Variants in LRRC20 observed in about 807,000 individuals in gnomAD.
The protein encoded by LRRC20 is leucine rich repeat containing 20.
In LRRC20, 11 loss-of-function variants were observed where a neutral mutation model predicts 14.4. The ratio of observed to expected loss-of-function variants is 0.77; its 90% CI spans 0.48 to 1.27. The LOEUF (loss-of-function observed/expected upper bound fraction) is 1.27, where lower values mean the gene tolerates loss of function less well. LRRC20 is among the 50% of genes most tolerant of loss of function. The probability of loss-of-function intolerance (pLI) is 0.00; values close to 1 mark genes in which losing one functional copy is unlikely to be tolerated. For synonymous variants in LRRC20, 121 were observed against 107.3 expected (o/e 1.13, Z -0.79); for missense variants, 219 against 251.2 (o/e 0.87, Z 0.87).
At chr10:70,317,802 C>A (rs1841923096) in intron 4 of LRRC20, among the ~76,000 whole-genome samples, 1 of 152,198 alleles carries the variant, frequency 6.6e-6, no homozygotes, top group Non-Finnish European at 1.5e-5. Flanking sequence ...CTGAGGGCAG[C>A]TGGCACTGGC....
chr10:70,314,683 G>A (rs956078699), intron 4 of LRRC20, among the ~76,000 whole-genome samples: 3 of 152,024 alleles, frequency 2.0e-5, no homozygotes, highest in Admixed American at 6.6e-5. Context: ...TTTGAGCATC[G>A]CTGGTCTTCT....
chr10:70,326,295 T>A (rs1039517560), intron 3 of LRRC20, among the ~76,000 whole-genome samples: 7 of 51,292 alleles, frequency 1.4e-4, no homozygotes, highest in Admixed American at 4.7e-4. Context: ...AGCGCCTCTG[T>A]GTACACACAC....
chr10:70,302,085 G>A lies in LRRC20; in HGVS notation c.401-577C>T, dbSNP rs1285571408. 4.6e-5 allele frequency among the ~76,000 whole-genome samples: 7 copies of A among 152,264 alleles called. No homozygotes were observed. In the East Asian group the frequency reaches 7.7e-4, roughly 17 times the overall value. On this transcript the variant is annotated intron_variant, in intron 4 of 4. Transcript: ENST00000446961. ...TCCCAGCACTTTGGGAGGGTGAGGC[G>A]GGTGGATCACGAGGTCAGGATTTCA...
chr10:70,364,893 C>A lies in LRRC20; in HGVS notation c.82+11559G>T, dbSNP rs537743746. On this transcript the variant is annotated intron_variant, in intron 2 of 4. Transcript: ENST00000446961. ...TCATCTCCCACATGCACATCCAGAA[C>A]CCTGCCAGGCAATGCCCCTGCCCCA... Among the ~76,000 whole-genome samples the A allele has an allele frequency of 5.9e-5, 9 of 152,274 alleles. No individual in the cohort carries two copies. The East Asian group carries it at 1.7e-3, about 29-fold the overall frequency.
intron 1 of LRRC20, among the ~76,000 whole-genome samples, chr10:70,379,023 T>C (rs1844611506): frequency 6.6e-6 from 1 of 152,180 alleles, no homozygotes; most frequent in Admixed American, 6.5e-5. Context: ...GGAATAGACC[T>C]ATACTGTGCT....
intron 4 of LRRC20, among the ~76,000 whole-genome samples, chr10:70,304,751 A>G (rs1393043042): frequency 6.6e-6 from 1 of 151,832 alleles, no homozygotes; most frequent in African/African-American, 2.4e-5. Context: ...CATGAATTTG[A>G]CTACTCTAGG....
intron 1 of LRRC20, among the ~76,000 whole-genome samples, chr10:70,382,126 G>A (rs531882099): frequency 5.9e-5 from 9 of 152,362 alleles, no homozygotes; most frequent in East Asian, 1.9e-4. Flanking sequence ...TCTGGAGCAG[G>A]CGTCTGCAGC....
At chr10:70,338,924 G>C (rs1450337715) in intron 3 of LRRC20, among the ~76,000 whole-genome samples, 1 of 152,198 alleles carries the variant, frequency 6.6e-6, no homozygotes, top group Non-Finnish European at 1.5e-5. Context: ...GCCTCCCAAA[G>C]TGCTGGGATT....
intron 4 of LRRC20, among the ~76,000 whole-genome samples, chr10:70,316,017 A>T (rs1458492793): frequency 6.6e-6 from 1 of 152,240 alleles, no homozygotes; most frequent in Non-Finnish European, 1.5e-5. Context: ...CTTGGAGATC[A>T]GGGCATCAGG....
intron 3 of LRRC20, among the ~76,000 whole-genome samples, chr10:70,336,204 G>C (rs528673118): frequency 2.6e-5 from 4 of 152,296 alleles, no homozygotes; most frequent in Admixed American, 2.0e-4. Context: ...TCACTCACCC[G>C]TGCATTCCCA....
At chr10:70,302,932 G>C (rs1451370909) in intron 4 of LRRC20, among the ~76,000 whole-genome samples, 2 of 151,596 alleles carry the variant, frequency 1.3e-5, no homozygotes, top group African/African-American at 4.8e-5. Context: ...GGATGGTCTC[G>C]ATCTCCTGAC....
chr10:70,314,047 A>C (rs1237347765), intron 4 of LRRC20, among the ~76,000 whole-genome samples: 2 of 152,314 alleles, frequency 1.3e-5, no homozygotes, highest in East Asian at 3.9e-4. Flanking sequence ...TGAAAGGGGA[A>C]ACCCTTTATA....
intron 4 of LRRC20, among the ~76,000 whole-genome samples, chr10:70,312,749 T>G (rs1841716604): frequency 6.6e-6 from 1 of 152,140 alleles, no homozygotes; most frequent in Admixed American, 6.5e-5. Flanking sequence ...CAACCTTTCA[T>G]CTTTAAGACC....
At chr10:70,303,307 G>A (rs1346940914) in intron 4 of LRRC20, among the ~76,000 whole-genome samples, 2 of 152,280 alleles carry the variant, frequency 1.3e-5, no homozygotes, top group East Asian at 3.9e-4. Context: ...AGTCCCTAAA[G>A]AAGCAGACAT....
At chr10:70,351,258 T>C (rs1402629234) in intron 2 of LRRC20, among the ~76,000 whole-genome samples, 4 of 152,090 alleles carry the variant, frequency 2.6e-5, no homozygotes, top group Non-Finnish European at 5.9e-5. Context: ...TACCTTTCAG[T>C]GAATCTGGGA....
chr10:70,380,023 T>A (rs1311540739), intron 1 of LRRC20, among the ~76,000 whole-genome samples: 1 of 152,160 alleles, frequency 6.6e-6, no homozygotes, highest in African/African-American at 2.4e-5. Context: ...TGCTTACTGG[T>A]GCTCACCTCC....
At chr10:70,368,301 G>A (rs9731813) in intron 2 of LRRC20, among the ~76,000 whole-genome samples, 139,308 of 151,128 alleles carry the variant, frequency 0.92, 64,368 homozygotes, top group Middle Eastern at 0.97. Context: ...GGGACTACAG[G>A]CGCCCACCAC....
intron 2 of LRRC20, among the ~76,000 whole-genome samples, chr10:70,358,592 C>T (rs1478247927): frequency 6.6e-6 from 1 of 152,214 alleles, no homozygotes; most frequent in Non-Finnish European, 1.5e-5. Flanking sequence ...CCACGTCTGC[C>T]CCAGACAGAC....
intron 2 of LRRC20, among the ~76,000 whole-genome samples, chr10:70,364,320 T>A (rs1046656377): frequency 6.6e-6 from 1 of 152,158 alleles, no homozygotes; most frequent in African/African-American, 2.4e-5. Context: ...CCTTTCAGTG[T>A]AAGAGTGTGC....
Sources: allele counts gnomAD v4.1 joint callset (sites outside exome capture counted in the v4.1 genomes callset), GRCh38; gene constraint gnomAD v4.1.1; transcripts MANE v1.5; gene names NCBI Gene and HGNC (gene_info 2026-07-23, HGNC 2026-07-21).